The following HACE1 variants were observed in gnomAD, a reference collection of about 807,000 sequenced individuals.
HACE1 encodes the protein HECT domain and ankyrin repeat containing E3 ubiquitin protein ligase 1, also known as E3 ubiquitin-protein ligase HACE1.
HACE1 carries 73 observed loss-of-function variants against 118.4 expected under a neutral mutation model. The ratio of observed to expected loss-of-function variants is 0.62; its 90% CI spans 0.51 to 0.75. The LOEUF (loss-of-function observed/expected upper bound fraction) is 0.75. Among genes scored for constraint, HACE1 ranks in the 30% least tolerant of loss-of-function variants. The probability of loss-of-function intolerance (pLI) is 0.00; values close to 1 mark genes in which losing one functional copy is unlikely to be tolerated. For synonymous variants in HACE1, 368 were observed against 374.8 expected (o/e 0.98, Z 0.21); for missense variants, 749 against 1,102.2 (o/e 0.68, Z 4.54).
chr6:104,833,507 C>T (rs1360615193), intron 5 of HACE1, among the ~76,000 whole-genome samples: 1 of 152,066 alleles, frequency 6.6e-6, no homozygotes, highest in African/African-American at 2.4e-5. Flanking sequence ...AGGAAAACTT[C>T]GGTATCAAGA....
chr6:104,747,613 G>C (rs190211978), intron 20 of HACE1, among the ~76,000 whole-genome samples: 23 of 151,856 alleles, frequency 1.5e-4, no homozygotes, highest in Non-Finnish European at 2.8e-4. Flanking sequence ...CAACAGTGAT[G>C]GTATCTGGGG....
At chr6:104,805,663 T>G (rs1770911716) in intron 7 of HACE1, among the ~76,000 whole-genome samples, 1 of 152,026 alleles carries the variant, frequency 6.6e-6, no homozygotes. Context: ...ATGAGAACAC[T>G]TGGACACAGG....
In HACE1 at chr6:104,729,538, T is replaced by C. The variant is rs920544526; in HGVS notation, c.*124A>G. 1.3e-5 allele frequency: 9 copies of C among 708,290 alleles called. No homozygotes were observed. The highest frequency in any genetic ancestry group is 2.1e-5 in the Non-Finnish European group (8 of 384,428). The allele number at this position is 708,290 out of a possible 1,614,324, so 43.9% of individuals were successfully genotyped here. On this transcript the variant is annotated 3_prime_UTR_variant, in exon 24 of 24. Transcript: ENST00000262903. Reference sequence around the variant, plus strand: ...AAACAGAAAACCTGATGATCCTTTATAAATTGGAAGCATCAGCCCTGCCTA... The same window carrying C: ...AAACAGAAAACCTGATGATCCTTTACAAATTGGAAGCATCAGCCCTGCCTA...
chr6:104,768,818 C>T (rs1449516685), intron 19 of HACE1, among the ~76,000 whole-genome samples: 1 of 152,070 alleles, frequency 6.6e-6, no homozygotes, highest in Non-Finnish European at 1.5e-5. Flanking sequence ...AGTATTCCCA[C>T]CTCTGGTGAG....
intron 5 of HACE1, among the ~76,000 whole-genome samples, chr6:104,841,195 G>A (rs1775089741): frequency 6.6e-6 from 1 of 151,778 alleles, no homozygotes; most frequent in African/African-American, 2.4e-5. Flanking sequence ...AAGGCCAAGA[G>A]ACTGTTTTCT....
At chr6:104,739,326 T>C (rs1362867171) in intron 22 of HACE1, among the ~76,000 whole-genome samples, 1 of 152,036 alleles carries the variant, frequency 6.6e-6, no homozygotes, top group Non-Finnish European at 1.5e-5. Flanking sequence ...ATATTAACCA[T>C]AAATGTAAAT....
In HACE1 at chr6:104,849,137, G is replaced by A. The variant is rs746843492; in HGVS notation, c.326+5C>T. On this transcript the variant is annotated splice_donor_5th_base_variant and intron_variant, in intron 4 of 23. Coordinates refer to ENST00000262903, the MANE Select transcript of HACE1 (RefSeq NM_020771.4). ...TTAAGCCACTTAAGAAAACTAAATA[G>A]TTACCCATTTCTTGCTGCCAAATGA... 6.0e-6 allele frequency: 9 copies of A among 1,495,126 alleles called. No homozygotes were observed. Among genetic ancestry groups the A allele is most frequent in the Non-Finnish European group, 5.6e-6 (6 of 1,071,556 alleles). 92.6% of individuals were successfully genotyped at this position (1,495,126 alleles called of 1,614,324 possible).
intron 22 of HACE1, among the ~76,000 whole-genome samples, chr6:104,740,662 T>C (rs1776561604): frequency 6.7e-6 from 1 of 150,192 alleles, no homozygotes; most frequent in Admixed American, 6.6e-5. Context: ...ATTGTGGCAA[T>C]AATCAATAGC....
intron 3 of HACE1, among the ~76,000 whole-genome samples, chr6:104,850,497 G>A (rs1001266217): frequency 1.3e-5 from 2 of 152,130 alleles, no homozygotes; most frequent in African/African-American, 4.8e-5. Context: ...TTAGTTAACT[G>A]ATTGATTACA....
At chr6:104,788,223 A>T (rs1295626910) in intron 11 of HACE1, among the ~76,000 whole-genome samples, 1 of 152,090 alleles carries the variant, frequency 6.6e-6, no homozygotes, top group African/African-American at 2.4e-5. Context: ...CACCATACAT[A>T]CCATTTGTTA....
At chr6:104,784,614 T>G (rs1782146438) in intron 12 of HACE1, 129 bp from the exon 13 acceptor site, 1 of 665,560 alleles carries the variant, frequency 1.5e-6, no homozygotes. Context: ...TTTTGAATCT[T>G]CTTTGTAAGT....
intron 17 of HACE1, among the ~76,000 whole-genome samples, chr6:104,775,912 T>G (rs1781185013): frequency 6.6e-6 from 1 of 152,062 alleles, no homozygotes; most frequent in African/African-American, 2.4e-5. Flanking sequence ...AATGTAAACA[T>G]TTGGGGAGAG....
chr6:104,852,261 C>G (rs1255626818), intron 2 of HACE1, 56 bp downstream of exon 2: 1 of 989,196 alleles, frequency 1.0e-6, no homozygotes, highest in South Asian at 1.3e-5. Context: ...ATGCAGTACA[C>G]ATTTAGAACA....
rs1429893747 is a variant in HACE1, at chr6:104,728,959, A to C, written c.*703T>G. On this transcript the variant is annotated 3_prime_UTR_variant, in exon 24 of 24. Coordinates refer to ENST00000262903, the MANE Select transcript of HACE1 (RefSeq NM_020771.4). The stretch of plus-strand genomic sequence containing the variant: ...TTTAATTTTACCTTCATTATAAATT[A>C]AAATGAGGCGTAAGAAAAACATTGA... 6.6e-6 allele frequency: 1 copy of C among 152,608 alleles called. No individual in the cohort carries two copies. 9.5% of individuals were successfully genotyped at this position (152,608 alleles called of 1,614,324 possible).
At chr6:104,777,378 T>A in intron 14 of HACE1, 61 bp from the exon 15 acceptor site, 1 of 1,004,174 alleles carries the variant, frequency 1.0e-6, no homozygotes, top group East Asian at 2.4e-5. Context: ...ATTATCAGAT[T>A]TACTAGCTTG....
chr6:104,803,939 T>C (rs1428653921), intron 7 of HACE1, among the ~76,000 whole-genome samples: 4 of 152,326 alleles, frequency 2.6e-5, no homozygotes, highest in Middle Eastern at 3.4e-3. Context: ...TGTTTGCAGA[T>C]GACATGATTG....
chr6:104,757,084 C>A (rs913168759), intron 19 of HACE1, among the ~76,000 whole-genome samples: 1 of 152,188 alleles, frequency 6.6e-6, no homozygotes, highest in African/African-American at 2.4e-5. Context: ...GCGGTGGCCA[C>A]TGGAGCTCAG....
At chr6:104,769,277 C>T (rs1441911408) in intron 19 of HACE1, among the ~76,000 whole-genome samples, 5 of 152,056 alleles carry the variant, frequency 3.3e-5, no homozygotes, top group Admixed American at 6.6e-5. Context: ...TCAAGCAATC[C>T]CCCTGCCTTA....
At chr6:104,729,794 C>T in intron 23 of HACE1, 30 bp from the exon 24 acceptor site, 2 of 920,464 alleles carry the variant, frequency 2.2e-6, no homozygotes, top group Non-Finnish European at 1.8e-6. Context: ...CACCATTAAA[C>T]AGGAAATCTA....
Sources: allele counts gnomAD v4.1 joint callset (sites outside exome capture counted in the v4.1 genomes callset), GRCh38; gene constraint gnomAD v4.1.1; transcripts MANE v1.5; gene names NCBI Gene and HGNC (gene_info 2026-07-23, HGNC 2026-07-21).